TSGA10: variants seen among roughly 807,000 people sequenced by gnomAD.
TSGA10 encodes testis-specific gene 10 protein.
In TSGA10, 43 loss-of-function variants were observed where a neutral mutation model predicts 96.6. The ratio of observed to expected loss-of-function variants is 0.44; its 90% CI spans 0.35 to 0.57. The LOEUF (loss-of-function observed/expected upper bound fraction) is 0.57. Ranked by LOEUF, TSGA10 falls within the 20% of genes least tolerant of loss-of-function variation. The pLI, the probability that TSGA10 is intolerant of heterozygous loss-of-function variation, is 0.01. For missense variants in TSGA10, 703 were observed against 834.4 expected (o/e 0.84, Z 1.94); for synonymous variants, 229 against 269.9 (o/e 0.85, Z 1.48).
At chr2:99,096,505 G>A (rs2090050181) in intron 10 of TSGA10, among the ~76,000 whole-genome samples, 1 of 152,182 alleles carries the variant, frequency 6.6e-6, no homozygotes, top group African/African-American at 2.4e-5. Context: ...TTCCCTGGCT[G>A]CATATCTAGA....
intron 12 of TSGA10, among the ~76,000 whole-genome samples, chr2:99,074,373 T>C (rs1187085180): frequency 6.6e-6 from 1 of 151,916 alleles, no homozygotes; most frequent in Non-Finnish European, 1.5e-5. Context: ...TGTGTGTGTG[T>C]GTGCTATCTT....
At chr2:99,051,033 T>A (rs1274691724) in intron 16 of TSGA10, among the ~76,000 whole-genome samples, 1 of 152,172 alleles carries the variant, frequency 6.6e-6, no homozygotes, top group African/African-American at 2.4e-5. Flanking sequence ...GCCTAGGTGT[T>A]AGGAGATTAA....
intron 17 of TSGA10, among the ~76,000 whole-genome samples, chr2:99,022,200 G>A (rs543332680): frequency 6.6e-6 from 1 of 151,782 alleles, no homozygotes; most frequent in East Asian, 1.9e-4. Flanking sequence ...GGTGACATAG[G>A]CCTGTAGTCC....
chr2:99,009,714 T>C (rs1346008187), intron 20 of TSGA10, among the ~76,000 whole-genome samples: 2 of 152,152 alleles, frequency 1.3e-5, no homozygotes, highest in African/African-American at 4.8e-5. Flanking sequence ...CATGTTAATG[T>C]TGAGCCAAGG....
chr2:99,105,108 T>G (rs973845329), intron 9 of TSGA10, among the ~76,000 whole-genome samples: 4 of 152,208 alleles, frequency 2.6e-5, no homozygotes, highest in Admixed American at 2.6e-4. Flanking sequence ...TCCCTGAAAA[T>G]GAATGCCTAA....
chr2:99,154,912 C>T lies in TSGA10; in HGVS notation c.-840G>A. ...CTAGGCGCGATCCCTGCGCGCCCCT[C>T]CTTCTCTTGCGCTTCAGGGGGCCGG... is the stretch of plus-strand genomic sequence containing the variant. On this transcript the variant is annotated 5_prime_UTR_variant, in exon 1 of 21. Transcript: ENST00000393483. The T allele has an allele frequency of 2.3e-6, 1 of 434,920 alleles. No individual in the cohort carries two copies. The highest frequency in any genetic ancestry group is 1.6e-5 in the South Asian group (1 of 62,414). The allele number at this position is 434,920 out of a possible 1,614,324, so 26.9% of individuals were successfully genotyped here.
At chr2:99,154,421 T>C (rs1256132022) in intron 1 of TSGA10, 1 of 152,818 alleles carries the variant, frequency 6.5e-6, no homozygotes, top group African/African-American at 2.4e-5. Context: ...CCATCCTGTA[T>C]TATCATCTGC....
intron 20 of TSGA10, among the ~76,000 whole-genome samples, chr2:99,015,529 C>T (rs139129559): frequency 0.011 from 1,629 of 152,192 alleles, 9 homozygotes; most frequent in Middle Eastern, 0.027. Context: ...TATGACACAC[C>T]CACAGCCAAC....
chr2:99,023,227 T>C (rs2080208728), intron 17 of TSGA10, among the ~76,000 whole-genome samples: 1 of 152,154 alleles, frequency 6.6e-6, no homozygotes, highest in African/African-American at 2.4e-5. Context: ...CTTAAACTCC[T>C]GGGCTCAAAC....
In TSGA10 at chr2:99,131,415, G is replaced by C. The variant is rs189326775; in HGVS notation, c.-620-4239C>G. Among the ~76,000 whole-genome samples the C allele has an allele frequency of 2.2e-4, 34 of 151,638 alleles. 1 individual carries two copies. In the East Asian group the frequency reaches 5.8e-3, roughly 26 times the overall value. ...TGAATGGGAGGTCACTCATGATTTG[G>C]CTGTTTGTCTATTACTGGTGTATAG... On this transcript the variant is annotated intron_variant, in intron 1 of 20. Transcript: ENST00000393483.
chr2:98,998,852 A>G (rs2077653356), intron 20 of TSGA10, among the ~76,000 whole-genome samples: 1 of 152,052 alleles, frequency 6.6e-6, no homozygotes, highest in Admixed American at 6.6e-5. Flanking sequence ...TGTCTGTGGT[A>G]TTTTTGCAAC....
intron 10 of TSGA10, among the ~76,000 whole-genome samples, chr2:99,101,191 G>A (rs1189426949): frequency 2.0e-4 from 26 of 127,562 alleles, no homozygotes; most frequent in African/African-American, 7.7e-4. Context: ...CTTGCAGTGA[G>A]CCGAGATTGC....
At chr2:99,101,004 C>T (rs1482685274) in intron 10 of TSGA10, among the ~76,000 whole-genome samples, 1 of 149,212 alleles carries the variant, frequency 6.7e-6, no homozygotes, top group Non-Finnish European at 1.5e-5. Flanking sequence ...TGGCTCACGC[C>T]TGTAATCCCA....
intron 20 of TSGA10, among the ~76,000 whole-genome samples, chr2:99,017,487 C>T (rs146862336): frequency 5.9e-5 from 9 of 152,036 alleles, no homozygotes; most frequent in African/African-American, 1.2e-4. Context: ...TACATTGGGC[C>T]GGGCGCGGTG....
At chr2:99,033,501 C>A (rs2081324022) in intron 17 of TSGA10, among the ~76,000 whole-genome samples, 2 of 152,220 alleles carry the variant, frequency 1.3e-5, no homozygotes, top group Admixed American at 1.3e-4. Context: ...GCCTGCTCAA[C>A]AAACTCTATC....
At chr2:99,011,039 T>A (rs2078951122) in intron 20 of TSGA10, among the ~76,000 whole-genome samples, 1 of 151,904 alleles carries the variant, frequency 6.6e-6, no homozygotes, top group South Asian at 2.1e-4. Context: ...CATACCCCCA[T>A]CCCCCAAGGT....
intron 17 of TSGA10, among the ~76,000 whole-genome samples, chr2:99,022,073 C>T (rs1454922642): frequency 1.3e-5 from 2 of 152,038 alleles, no homozygotes; most frequent in Admixed American, 6.6e-5. Flanking sequence ...CACTTGTAAT[C>T]CCAGCACTCT....
chr2:99,130,127 A>C (rs1574618805), intron 1 of TSGA10, among the ~76,000 whole-genome samples: 2 of 152,282 alleles, frequency 1.3e-5, no homozygotes, highest in South Asian at 4.1e-4. Flanking sequence ...AGTGACTTAT[A>C]ATCCTTTGGG....
At chr2:99,019,925 T>C (rs570185438) in intron 18 of TSGA10, among the ~76,000 whole-genome samples, 1 of 152,172 alleles carries the variant, frequency 6.6e-6, no homozygotes, top group Non-Finnish European at 1.5e-5. Flanking sequence ...GAAAATATGA[T>C]GTGGCAAATG....
Sources: allele counts gnomAD v4.1 joint callset (sites outside exome capture counted in the v4.1 genomes callset), GRCh38; gene constraint gnomAD v4.1.1; transcripts MANE v1.5; gene names NCBI Gene and HGNC (gene_info 2026-07-23, HGNC 2026-07-21).